GRM7: variants seen among roughly 807,000 people sequenced by gnomAD.
GRM7 encodes the protein glutamate metabotropic receptor 7.
GRM7 carries 35 observed loss-of-function variants against 84.5 expected under a neutral mutation model. The observed-to-expected ratio is 0.41, with a 90% CI of 0.32 to 0.55. The LOEUF (loss-of-function observed/expected upper bound fraction) is 0.55, where lower values mean the gene tolerates loss of function less well. GRM7 is among the 20% of genes least tolerant of loss of function. GRM7 has a pLI of 0.19. For missense variants in GRM7, 1,003 were observed against 1,194.6 expected, an observed-to-expected ratio of 0.84 and a Z score of 2.36; for synonymous variants, 487 against 455.1, an observed-to-expected ratio of 1.07 and a Z score of -0.89.
chr3:7,493,314 T>C (rs1003593423), intron 7 of GRM7, among the ~76,000 whole-genome samples: 5 of 152,048 alleles, frequency 3.3e-5, no homozygotes, highest in African/African-American at 4.8e-5. Context: ...TTCAGCTCCA[T>C]TGGTGTTTAT....
At chr3:7,099,435 C>T (rs968684969) in intron 1 of GRM7, among the ~76,000 whole-genome samples, 1 of 148,084 alleles carries the variant, frequency 6.8e-6, no homozygotes, top group Non-Finnish European at 1.5e-5. Flanking sequence ...TATACGTATA[C>T]ATTATACATA....
At chr3:7,603,106 A>G (rs749248115) in intron 8 of GRM7, among the ~76,000 whole-genome samples, 3 of 152,156 alleles carry the variant, frequency 2.0e-5, no homozygotes, top group Non-Finnish European at 4.4e-5. Context: ...AGTTAGTTAG[A>G]GCCACCACCA....
intron 9 of GRM7, among the ~76,000 whole-genome samples, chr3:7,728,569 TCAA>T (rs1160819637): frequency 2.6e-5 from 4 of 152,136 alleles, no homozygotes; most frequent in Non-Finnish European, 5.9e-5. Flanking sequence ...AGAAATTTAC[TCAA>T]CCCAAGATGG....
At chr3:7,315,024 T>G (rs1335819346) in intron 4 of GRM7, among the ~76,000 whole-genome samples, 1 of 142,790 alleles carries the variant, frequency 7.0e-6, no homozygotes, top group Non-Finnish European at 1.5e-5. Context: ...CTGAAATCTG[T>G]TTTTTTTTTT....
Position 6,861,621 on chromosome 3 carries a change from G to T in GRM7, c.233G>T (p.Arg78Met), listed in dbSNP as rs750418695. 2.5e-6 allele frequency: 4 copies of T among 1,613,380 alleles called. No individual in the cohort carries two copies. Among genetic ancestry groups the T allele is most frequent in the Non-Finnish European group, 3.4e-6 (4 of 1,179,752 alleles). The change falls in exon 1 of 10, where the codon AGG (arginine) becomes ATG (methionine). Residue 78 changes from arginine to methionine, a missense_variant. Arg to Met is a moderately conservative substitution (Grantham distance 91, BLOSUM62 -1). Transcript: ENST00000357716. This position sits in a 1 kb window ranked among gnomAD's most constrained non-coding sequence, Gnocchi z 6.4. ...GDIKRENGIH[R>M]LEAMLYALDQ... ...ATCAAGAGGGAAAACGGGATCCACA[G>T]GCTGGAAGCGATGCTCTACGCCCTG...
At chr3:7,285,081 G>C (rs79900016) in intron 2 of GRM7, among the ~76,000 whole-genome samples, 2,602 of 152,164 alleles carry the variant, frequency 0.017, 83 homozygotes, top group African/African-American at 0.06. Flanking sequence ...ATGACCATTT[G>C]CTTCTGTGTT....
At chr3:7,252,689 C>CTTTTCTTT (rs1698041076) in intron 2 of GRM7, among the ~76,000 whole-genome samples, 1 of 113,648 alleles carries the variant, frequency 8.8e-6, no homozygotes, top group African/African-American at 3.1e-5. Flanking sequence ...TTCTTTTTTT[C>CTTTTCTTT]TTTTCTTTTC....
chr3:7,184,169 C>T (rs1490484004), intron 2 of GRM7, among the ~76,000 whole-genome samples: 2 of 152,064 alleles, frequency 1.3e-5, no homozygotes, highest in East Asian at 1.9e-4. Context: ...TTATTAGGTA[C>T]ATAATATACT....
chr3:7,620,381 T>C lies in GRM7; in HGVS notation c.2451+41024T>C, dbSNP rs113351073. Reference sequence around the variant, plus strand: ...TATTTGCTCAACTAAATACAATTTATGTTGGGGACAGAGAGTTATGTTTTA... The same window carrying C: ...TATTTGCTCAACTAAATACAATTTACGTTGGGGACAGAGAGTTATGTTTTA... On this transcript the variant is annotated intron_variant, in intron 8 of 9. Transcript: ENST00000357716. Among the ~76,000 whole-genome samples the C allele has an allele frequency of 2.2e-3, 331 of 152,294 alleles. 5 individuals carry two copies. Among genetic ancestry groups the C allele is most frequent in the African/African-American group, 7.6e-3 (316 of 41,580 alleles).
chr3:7,552,480 C>A (rs34320666), intron 7 of GRM7, among the ~76,000 whole-genome samples: 2 of 152,210 alleles, frequency 1.3e-5, no homozygotes, highest in Non-Finnish European at 2.9e-5. Flanking sequence ...CTCTTCTGCA[C>A]TGCCCTAGCA....
intron 1 of GRM7, among the ~76,000 whole-genome samples, chr3:7,127,388 A>G (rs2125049676): frequency 6.6e-6 from 1 of 152,344 alleles, no homozygotes; most frequent in South Asian, 2.1e-4. Context: ...CACTACAAAG[A>G]AAATAATTGA....
chr3:7,479,498 C>T (rs889979127), intron 7 of GRM7, among the ~76,000 whole-genome samples: 16 of 152,112 alleles, frequency 1.1e-4, no homozygotes, highest in African/African-American at 3.4e-4. Flanking sequence ...ACAGATACTT[C>T]CCTCCCAGAG....
In GRM7 at chr3:7,415,138, A is replaced by T. The variant is rs1445087205; in HGVS notation, c.1149A>T (p.Lys383Asn). The T allele has an allele frequency of 1.2e-6, 2 of 1,613,228 alleles. No homozygotes were observed. The highest frequency in any genetic ancestry group is 8.5e-7 in the Non-Finnish European group (1 of 1,179,244). ...NCKLTISGSK[K>N]EDTDRKCTGQ... is the part of the protein sequence containing the mutation. ...AGTTGACGATTAGTGGGTCAAAAAAAGAAGACACAGATCGCAAATGCACAG... is the reference window on the plus strand; with the variant it reads ...AGTTGACGATTAGTGGGTCAAAAAATGAAGACACAGATCGCAAATGCACAG... The change falls in exon 5 of 10, where the codon AAA becomes AAT. Residue 383 changes from lysine (K) to asparagine (N), a missense_variant. Physicochemically the swap from Lys to Asn is moderately conservative, Grantham distance 94. Transcript: ENST00000357716.
chr3:7,362,974 T>G (rs1693731907), intron 4 of GRM7, among the ~76,000 whole-genome samples: 1 of 151,950 alleles, frequency 6.6e-6, no homozygotes, highest in Non-Finnish European at 1.5e-5. Flanking sequence ...AATAAAAAGT[T>G]ACCCAGGCAT....
At chr3:7,232,888 G>A (rs1203055277) in intron 2 of GRM7, among the ~76,000 whole-genome samples, 3 of 152,096 alleles carry the variant, frequency 2.0e-5, no homozygotes, top group East Asian at 3.9e-4. Flanking sequence ...TCTTCCAGGT[G>A]ACTTCTTTCT....
chr3:7,150,357 T>C (rs1393095564), intron 2 of GRM7, among the ~76,000 whole-genome samples: 3 of 152,140 alleles, frequency 2.0e-5, no homozygotes, highest in African/African-American at 7.2e-5. Context: ...AGTGCACCGA[T>C]AAGCGCCTCT....
intron 8 of GRM7, among the ~76,000 whole-genome samples, chr3:7,583,919 A>G (rs557331356): frequency 7.5e-4 from 114 of 152,244 alleles, no homozygotes; most frequent in Admixed American, 1.1e-3. Context: ...TCCATTAGGA[A>G]CTCATACACT....
In GRM7 at chr3:7,006,928, T is replaced by C. The variant is rs541535117; in HGVS notation, c.520-139524T>C. On this transcript the variant is annotated intron_variant, in intron 1 of 9. Transcript: ENST00000357716. ...AAATAATAACGATAAATAAAGCATATGAAAATAACTTCAAACAGTACAGAA... is the reference window on the plus strand; with the variant it reads ...AAATAATAACGATAAATAAAGCATACGAAAATAACTTCAAACAGTACAGAA... Among the ~76,000 whole-genome samples the C allele has an allele frequency of 2.0e-5, 3 of 152,294 alleles. No individual in the cohort carries two copies. In the East Asian group the frequency reaches 5.8e-4, roughly 29 times the overall value.
intron 8 of GRM7, among the ~76,000 whole-genome samples, chr3:7,615,143 C>T (rs893652539): frequency 9.9e-5 from 15 of 152,048 alleles, no homozygotes; most frequent in Non-Finnish European, 1.5e-5. Context: ...CTTTTGTATG[C>T]ATACATGAGT....
Sources: gnomAD v4.1 joint callset for allele counts (sites outside exome capture counted in the v4.1 genomes callset) on GRCh38, gnomAD v4.1.1 for gene constraint, Gnocchi (gnomAD v3.1) non-coding constraint, MANE v1.5 for transcripts, NCBI Gene and HGNC (gene_info 2026-07-23, HGNC 2026-07-21) for gene names.